ZNF469: variants seen among roughly 807,000 people sequenced by gnomAD.
ZNF469 encodes the protein zinc finger protein 469.
A neutral mutation model predicts 1.0 loss-of-function variants in ZNF469; 1 was observed. That is an observed-to-expected ratio of 1.00 (90% CI 0.35 to 4.73). The LOEUF (loss-of-function observed/expected upper bound fraction) is 4.73, where lower values mean the gene tolerates loss of function less well. Ranked by LOEUF, ZNF469 falls within the 30% of genes most tolerant of loss-of-function variation. The pLI, the probability that ZNF469 is intolerant of heterozygous loss-of-function variation, is 0.16. For synonymous variants in ZNF469, 2,703 were observed against 2,363.4 expected, an observed-to-expected ratio of 1.14 and a Z score of -4.17; for missense variants, 6,100 against 5,356.3, an observed-to-expected ratio of 1.14 and a Z score of -4.33.
chr16:88,100,955 G>A, the ZNF469 span: 10 of 280,402 alleles, frequency 3.6e-5, no homozygotes, highest in Middle Eastern at 1.3e-3. Flanking sequence ...CAGCCCCAAC[G>A]CGCTGCTGCT....
At chr16:88,252,962 A>T in the ZNF469 span, among the ~76,000 whole-genome samples, 48,444 of 152,042 alleles carry the variant, frequency 0.32, 8,188 homozygotes, top group Middle Eastern at 0.46. Context: ...CCTATAGCAT[A>T]CGTTCCTTTG....
At chr16:88,301,710 G>A in the ZNF469 span, among the ~76,000 whole-genome samples, 8 of 152,252 alleles carry the variant, frequency 5.3e-5, no homozygotes, top group African/African-American at 1.7e-4. Context: ...GTATGGGGCA[G>A]GGCCAGCTTT....
chr16:88,422,110 T>A (rs1235938383), intron 1 of ZNF469, among the ~76,000 whole-genome samples: 1 of 146,060 alleles, frequency 6.8e-6, no homozygotes, highest in Non-Finnish European at 1.5e-5. Flanking sequence ...GATGGATGGA[T>A]GAGTGGGTGG....
At position 88,432,817 on chromosome 16, in the gene ZNF469, G is replaced by A. The variant is rs754873241; in HGVS notation, c.5347G>A (p.Ala1783Thr). The A allele has an allele frequency of 1.4e-4, 220 of 1,550,132 alleles. No homozygotes were observed. Among genetic ancestry groups the A allele is most frequent in the Non-Finnish European group, 1.9e-4 (215 of 1,146,976 alleles). The change falls in exon 3 of 3, where the codon GCA (alanine) becomes ACA (threonine). Residue 1783 changes from alanine to threonine, a missense_variant. By Grantham distance (58) the Ala-to-Thr change is moderately conservative. Coordinates refer to ENST00000565624, the MANE Select transcript of ZNF469 (RefSeq NM_001367624.2). ...RGGFLPEPGTADQPHRGAPAP... is the reference protein window; with the variant it reads ...RGGFLPEPGTTDQPHRGAPAP... ...AGGGTTCCTCCCAGAGCCCGGCACA[G>A]CAGACCAGCCCCACCGAGGGGCCCC...
chr16:88,248,895 G>C, the ZNF469 span, among the ~76,000 whole-genome samples: 24,743 of 151,704 alleles, frequency 0.16, 2,201 homozygotes, highest in South Asian at 0.36. Flanking sequence ...TGATCTCTCT[G>C]TGTGCGCACC....
At chr16:88,353,025 C>T in the ZNF469 span, among the ~76,000 whole-genome samples, 5 of 152,166 alleles carry the variant, frequency 3.3e-5, no homozygotes, top group Admixed American at 2.6e-4. Context: ...AGGCAGGCCC[C>T]GGTGAGACTG....
At chr16:88,243,247 T>G in the ZNF469 span, among the ~76,000 whole-genome samples, 5 of 152,166 alleles carry the variant, frequency 3.3e-5, no homozygotes, top group African/African-American at 1.2e-4. Context: ...TGGTCACCAG[T>G]GCTGACAGAT....
At chr16:88,216,008 G>A in the ZNF469 span, among the ~76,000 whole-genome samples, 4 of 151,808 alleles carry the variant, frequency 2.6e-5, no homozygotes, top group East Asian at 1.9e-4. Flanking sequence ...GCAATTTCAT[G>A]TTTTCCTCTG....
intron 1 of ZNF469, among the ~76,000 whole-genome samples, chr16:88,411,923 C>T (rs1905178120): frequency 4.7e-4 from 1 of 2,148 alleles, no homozygotes; most frequent in Admixed American, 5.9e-3. Context: ...CCTGCCTTCC[C>T]AGAAGAGACG....
chr16:88,274,436 T>C, the ZNF469 span, among the ~76,000 whole-genome samples: 21 of 152,346 alleles, frequency 1.4e-4, no homozygotes, highest in East Asian at 3.7e-3. Flanking sequence ...CAATAAAAGA[T>C]AGAAATATAA....
At chr16:88,386,470 C>T (rs2092537005) in intron 1 of ZNF469, among the ~76,000 whole-genome samples, 1 of 152,184 alleles carries the variant, frequency 6.6e-6, no homozygotes, top group Non-Finnish European at 1.5e-5. Flanking sequence ...CCCTGCTGCC[C>T]TCACGCATCC....
chr16:88,318,337 C>T, the ZNF469 span, among the ~76,000 whole-genome samples: 1 of 152,220 alleles, frequency 6.6e-6, no homozygotes, highest in South Asian at 2.1e-4. Flanking sequence ...TCCAGCCCAG[C>T]CTCCTCCTGG....
chr16:88,402,889 C>T (rs1334805475), intron 1 of ZNF469, among the ~76,000 whole-genome samples: 1 of 152,178 alleles, frequency 6.6e-6, no homozygotes, highest in Non-Finnish European at 1.5e-5. Context: ...ACCAGCCAGG[C>T]TTTCCCTGGG....
the ZNF469 span, among the ~76,000 whole-genome samples, chr16:88,238,373 A>C: frequency 1.3e-5 from 2 of 152,228 alleles, no homozygotes; most frequent in Non-Finnish European, 2.9e-5. Context: ...GGAAGGAGGC[A>C]GGAGGAAGGG....
the ZNF469 span, among the ~76,000 whole-genome samples, chr16:88,121,116 G>A: frequency 6.7e-6 from 1 of 148,698 alleles, no homozygotes; most frequent in Non-Finnish European, 1.5e-5. Flanking sequence ...GGTGGGATGG[G>A]GGGTCGGGAG....
Position 88,438,316 on chromosome 16 carries a change from G to A in ZNF469, c.10846G>A (p.Ala3616Thr), listed in dbSNP as rs1397481184. The A allele has an allele frequency of 6.5e-7, 1 of 1,549,970 alleles. No homozygotes were observed. Among genetic ancestry groups the A allele is most frequent in the African/African-American group, 1.4e-5 (1 of 73,182 alleles). ...ARGQDAEGKR[A>T]PLVFSGKRRA... ...AGGCCAAGATGCGGAGGGAAAGAGG[G>A]CTCCTCTCGTGTTCTCAGGGAAACG... The change falls in exon 3 of 3, where the codon GCT becomes ACT. Residue 3616 changes from alanine to threonine, a missense_variant. Coordinates refer to ENST00000565624, the MANE Select transcript of ZNF469 (RefSeq NM_001367624.2).
the ZNF469 span, among the ~76,000 whole-genome samples, chr16:88,358,863 C>A: frequency 1.3e-5 from 2 of 152,048 alleles, no homozygotes; most frequent in Non-Finnish European, 2.9e-5. Context: ...GAATTACAGG[C>A]GCGTGCCACC....
the ZNF469 span, among the ~76,000 whole-genome samples, chr16:88,227,114 C>G: frequency 0.96 from 52,618 of 54,950 alleles, 25,362 homozygotes; most frequent in Middle Eastern, 0.99. Context: ...TTCCACCCGT[C>G]CCTCCTCCAC....
At chr16:88,374,598 T>C in the ZNF469 span, among the ~76,000 whole-genome samples, 1 of 152,274 alleles carries the variant, frequency 6.6e-6, no homozygotes. Context: ...CCATGTTTAT[T>C]CCTGACCCCT....
Sources: gnomAD v4.1 joint callset for allele counts (sites outside exome capture counted in the v4.1 genomes callset) on GRCh38, gnomAD v4.1.1 for gene constraint, MANE v1.5 for transcripts, NCBI Gene and HGNC (gene_info 2026-07-23, HGNC 2026-07-21) for gene names.